HLTF: variants seen among roughly 807,000 people sequenced by gnomAD.
HLTF encodes the protein helicase like transcription factor.
In HLTF, 127 loss-of-function variants were observed where a neutral mutation model predicts 129.4. The observed-to-expected ratio is 0.98, with a 90% confidence interval of 0.85 to 1.14. The LOEUF is 1.14. Ranked by LOEUF, HLTF falls within the 50% of genes most tolerant of loss-of-function variation. The pLI is 0.00. For synonymous variants in HLTF, 332 were observed against 388.8 expected, an observed-to-expected ratio of 0.85 and a Z score of 1.72; for missense variants, 1,139 against 1,187.1, an observed-to-expected ratio of 0.96 and a Z score of 0.60.
intron 12 of HLTF, among the ~76,000 whole-genome samples, chr3:149,060,047 G>A (rs958795756): frequency 6.6e-6 from 1 of 152,068 alleles, no homozygotes; most frequent in Non-Finnish European, 1.5e-5. Context: ...ATGAAAGTAG[G>A]AGCAGTCATA....
chr3:149,041,443 T>C, intron 20 of HLTF, 47 bp downstream of exon 20: 1 of 1,327,078 alleles, frequency 7.5e-7, no homozygotes. Context: ...TAAAGACAGG[T>C]ACACTACTCT....
At chr3:149,045,258 C>T (rs1230472493) in intron 18 of HLTF, among the ~76,000 whole-genome samples, 2 of 152,244 alleles carry the variant, frequency 1.3e-5, no homozygotes, top group Middle Eastern at 3.4e-3. Flanking sequence ...TCCTTTAGAT[C>T]TTTACCTATA....
chr3:149,039,248 G>C lies in HLTF; in HGVS notation c.2616-19C>G, dbSNP rs1345701462. On this transcript the variant is annotated intron_variant, in intron 22 of 24. Coordinates refer to ENST00000310053, the MANE Select transcript of HLTF (RefSeq NM_003071.4). ...AGAGGCTCTAAAGGGGGGAAGAAAAGAGACAAGTAACAAACACTATTATTA... is the reference window on the plus strand; with the variant it reads ...AGAGGCTCTAAAGGGGGGAAGAAAACAGACAAGTAACAAACACTATTATTA... 1.3e-6 allele frequency: 2 copies of C among 1,485,626 alleles called. No individual in the cohort carries two copies. The highest frequency in any genetic ancestry group is 2.8e-5 in the South Asian group (2 of 72,174). 92.0% of individuals were successfully genotyped at this position (1,485,626 alleles called of 1,614,324 possible). A position where few individuals can be genotyped will look rare whatever the true frequency, so the allele number is the denominator to read the frequency against.
rs1409983297 is a variant in HLTF at position 149,086,479 on chromosome 3, G to T, written c.-143C>A. ...CGGATCAGGAGCGCACGACTGAAAG[G>T]TAAGTCGCCGCGAGTCCAGTCAGAC... On this transcript the variant is annotated 5_prime_UTR_variant, in exon 1 of 25. Transcript: ENST00000310053. The T allele has an allele frequency of 4.6e-6, 4 of 877,590 alleles. No individual in the cohort carries two copies. Among genetic ancestry groups the T allele is most frequent in the Non-Finnish European group, 7.1e-6 (4 of 564,996 alleles). The allele number at this position is 877,590 out of a possible 1,614,324, so 54.4% of individuals were successfully genotyped here. A position where few individuals can be genotyped will look rare whatever the true frequency, so the allele number is the denominator to read the frequency against.
At chr3:149,044,833 A>T (rs1222469346) in intron 18 of HLTF, among the ~76,000 whole-genome samples, 1 of 152,090 alleles carries the variant, frequency 6.6e-6, no homozygotes, top group Non-Finnish European at 1.5e-5. Context: ...TTCACAATTT[A>T]ACAGAATCTA....
chr3:149,083,668 G>A (rs1720078472), intron 2 of HLTF: 1 of 151,530 alleles, frequency 6.6e-6, no homozygotes, highest in Non-Finnish European at 1.5e-5. Context: ...CCAGCACTTG[G>A]AGAGGCCAAG....
chr3:149,034,127 T>C (rs1715366499), intron 24 of HLTF, among the ~76,000 whole-genome samples: 1 of 152,128 alleles, frequency 6.6e-6, no homozygotes, highest in South Asian at 2.1e-4. Flanking sequence ...AAATGCAAAT[T>C]AGAACAGCAC....
At chr3:149,054,195 C>T (rs1412714012) in intron 14 of HLTF, among the ~76,000 whole-genome samples, 1 of 152,000 alleles carries the variant, frequency 6.6e-6, no homozygotes, top group Non-Finnish European at 1.5e-5. Flanking sequence ...AGCCAGATTA[C>T]AATGAATTAA....
rs138910419 is a variant in HLTF, at chr3:149,052,642, A to C, written c.1474-2267T>G. 5.4e-3 allele frequency among the ~76,000 whole-genome samples: 816 copies of C among 152,350 alleles called. 8 individuals carry two copies. Among genetic ancestry groups the C allele is most frequent in the African/African-American group, 0.018 (767 of 41,582 alleles). On this transcript the variant is annotated intron_variant, in intron 14 of 24. Coordinates refer to ENST00000310053, the MANE Select transcript of HLTF (RefSeq NM_003071.4). ...GCAAAAACCAGACTACCAAGGACTG[A>C]AGAAAGTATTAAACATGAAATAAAG...
rs747243485 is a variant in HLTF at position 149,060,637 on chromosome 3, A to G, written c.1285+6T>C. On this transcript the variant is annotated splice_donor_region_variant and intron_variant, in intron 12 of 24. Coordinates refer to ENST00000310053, the MANE Select transcript of HLTF (RefSeq NM_003071.4). Reference sequence around the variant, plus strand: ...TCTAGATTATGGGTATATAGTATACACATACCTTTCGCCCTGCCTTTAGTT... The same window carrying G: ...TCTAGATTATGGGTATATAGTATACGCATACCTTTCGCCCTGCCTTTAGTT... 8.1e-6 allele frequency: 13 copies of G among 1,600,216 alleles called. No individual in the cohort carries two copies. In the South Asian group the frequency reaches 1.3e-4, roughly 16 times the overall value.
chr3:149,079,079 T>C (rs970930733), intron 2 of HLTF, among the ~76,000 whole-genome samples: 1 of 151,674 alleles, frequency 6.6e-6, no homozygotes, highest in African/African-American at 2.4e-5. Flanking sequence ...GATTATACAA[T>C]CTAAGGAACA....
chr3:149,045,177 C>T (rs962454927), intron 18 of HLTF, among the ~76,000 whole-genome samples: 1 of 151,532 alleles, frequency 6.6e-6, no homozygotes, highest in Non-Finnish European at 1.5e-5. Flanking sequence ...TCAAGCTCAC[C>T]AGGCATGTTC....
At chr3:149,072,696 T>C (rs1357361061) in intron 5 of HLTF, among the ~76,000 whole-genome samples, 1 of 152,190 alleles carries the variant, frequency 6.6e-6, no homozygotes, top group Non-Finnish European at 1.5e-5. Context: ...TAACTACAAT[T>C]AGTAGATAAA....
Position 149,073,247 on chromosome 3 carries a change from G to A in HLTF, c.605C>T (p.Ala202Val). 1 of 1,609,476 alleles carries A rather than the reference G, an allele frequency of 6.2e-7. No individual in the cohort carries two copies. The highest frequency in any genetic ancestry group is 8.5e-7 in the Non-Finnish European group (1 of 1,176,300). The change falls in exon 5 of 25, where the codon GCA (alanine) becomes GTA (valine). Residue 202 changes from alanine (A) to valine (V), a missense_variant. Ala to Val is a moderately conservative substitution (Grantham distance 64). Coordinates refer to ENST00000310053, the MANE Select transcript of HLTF (RefSeq NM_003071.4). ...GPSYSMPVHA[A>V]VQMTTEQLKT... ...CACCTGTTCAGTTGTCATCTGTACT[G>A]CAGCATGCACTGGCATACTATAGCT...
chr3:149,057,295 A>G (rs1177310589), intron 13 of HLTF, among the ~76,000 whole-genome samples: 1 of 147,328 alleles, frequency 6.8e-6, no homozygotes. Context: ...GCATGGTGGC[A>G]GGCGCCTGTA....
intron 23 of HLTF, among the ~76,000 whole-genome samples, chr3:149,038,682 G>A (rs1384742353): frequency 6.6e-6 from 1 of 151,908 alleles, no homozygotes; most frequent in Admixed American, 6.6e-5. Flanking sequence ...AACTTTTCTG[G>A]TACTTTTTTT....
rs559074072 is a variant in HLTF, at chr3:149,053,913, A to T, written c.1473+1390T>A. 3.3e-5 allele frequency among the ~76,000 whole-genome samples: 5 copies of T among 152,318 alleles called. No homozygotes were observed. In the East Asian group the frequency reaches 9.6e-4, roughly 29 times the overall value. The stretch of plus-strand genomic sequence containing the variant: ...CCATGTACTATCCTTCCCATAACAA[A>T]CAACAAATTAAAGAAAGAACAGTTT... On this transcript the variant is annotated intron_variant, in intron 14 of 24. Coordinates refer to ENST00000310053, the MANE Select transcript of HLTF (RefSeq NM_003071.4).
In HLTF at chr3:149,079,652, G is replaced by A. The variant is rs186013352; in HGVS notation, c.229-3605C>T. Among the ~76,000 whole-genome samples, 262 of 152,130 alleles carry A rather than the reference G, an allele frequency of 1.7e-3. 1 individual carries two copies. Among genetic ancestry groups the A allele is most frequent in the African/African-American group, 5.9e-3 (245 of 41,520 alleles). On this transcript the variant is annotated intron_variant, in intron 2 of 24. Coordinates refer to ENST00000310053, the MANE Select transcript of HLTF (RefSeq NM_003071.4). ...GCTGTCACCAGGCTGGAGTACAGTC[G>A]CACAATCTCGGCTCACTGCAACCTC...
chr3:149,041,084 C>A (rs1310618059), intron 20 of HLTF, among the ~76,000 whole-genome samples: 3 of 152,038 alleles, frequency 2.0e-5, no homozygotes, highest in Non-Finnish European at 2.9e-5. Context: ...TACACCACCA[C>A]CAAATTCTGA....
Sources: allele counts gnomAD v4.1 joint callset (sites outside exome capture counted in the v4.1 genomes callset), GRCh38; gene constraint gnomAD v4.1.1; transcripts MANE v1.5; gene names NCBI Gene and HGNC (gene_info 2026-07-23, HGNC 2026-07-21).